RALB: variants seen among roughly 807,000 people sequenced by gnomAD.
The protein encoded by RALB is RAS like proto-oncogene B, also known as ras-related protein Ral-B.
Under a neutral mutation model 21.3 loss-of-function variants are expected in RALB, and 16 were observed. The ratio of observed to expected loss-of-function variants is 0.75; its 90% confidence interval spans 0.51 to 1.14. RALB has a LOEUF of 1.14. RALB is among the 50% of genes most tolerant of loss of function. The probability of loss-of-function intolerance (pLI) is 0.00; values close to 1 mark genes in which losing one functional copy is unlikely to be tolerated. For synonymous variants in RALB, 93 were observed against 96.1 expected, an observed-to-expected ratio of 0.97 and a Z score of 0.19; for missense variants, 161 against 256.2, an observed-to-expected ratio of 0.63 and a Z score of 2.54.
intron 1 of RALB, among the ~76,000 whole-genome samples, chr2:120,266,371 A>C (rs1468431887): frequency 6.6e-6 from 1 of 152,192 alleles, no homozygotes; most frequent in Admixed American, 6.5e-5. Flanking sequence ...CAGCCTCCCA[A>C]GTAGCTGGGA....
chr2:120,252,973 G>A lies in RALB; in HGVS notation c.-55G>A. The stretch of plus-strand genomic sequence containing the variant: ...TGCGGACGGCGGAGGCGGCGGGACT[G>A]GTCCCTGGTAAGGGCGCGGCGCCCG... On this transcript the variant is annotated 5_prime_UTR_variant, in exon 1 of 5. Transcript: ENST00000272519. 1 of 985,320 alleles carries A rather than the reference G, an allele frequency of 1.0e-6. No homozygotes were observed. Among genetic ancestry groups the A allele is most frequent in the Non-Finnish European group, 1.2e-6 (1 of 830,164 alleles). The allele number at this position is 985,320 out of a possible 1,614,324, so 61.0% of individuals were successfully genotyped here. A position where few individuals can be genotyped will look rare whatever the true frequency, so the allele number is the denominator to read the frequency against.
At chr2:120,287,359 A>C (rs983853034) in intron 3 of RALB, among the ~76,000 whole-genome samples, 2 of 152,224 alleles carry the variant, frequency 1.3e-5, no homozygotes, top group Non-Finnish European at 2.9e-5. Flanking sequence ...TGGTGCAGTG[A>C]CTAGTTAAGT....
At chr2:120,255,199 C>T (rs1474652280) in intron 1 of RALB, among the ~76,000 whole-genome samples, 1 of 152,128 alleles carries the variant, frequency 6.6e-6, no homozygotes, top group Admixed American at 6.5e-5. Flanking sequence ...ACAGGAGTCC[C>T]ACTTTTCCTT....
At chr2:120,264,786 C>A (rs76997974) in intron 1 of RALB, among the ~76,000 whole-genome samples, 7,591 of 152,206 alleles carry the variant, frequency 0.05, 657 homozygotes, top group African/African-American at 0.17. Flanking sequence ...CCCTGGCAGC[C>A]GCCATTCTAT....
At chr2:120,293,075 A>G in intron 4 of RALB, 66 bp from the exon 5 acceptor site, 1 of 1,494,072 alleles carries the variant, frequency 6.7e-7, no homozygotes, top group East Asian at 2.4e-5. Flanking sequence ...CAGGTTAACA[A>G]AAGAAAAAAA....
At chr2:120,290,951 T>C (rs2104667180) in intron 4 of RALB, among the ~76,000 whole-genome samples, 1 of 152,350 alleles carries the variant, frequency 6.6e-6, no homozygotes, top group Non-Finnish European at 1.5e-5. Context: ...ACACGTCTGC[T>C]TTTTGTTCTG....
At chr2:120,278,034 A>C (rs560817277) in intron 1 of RALB, among the ~76,000 whole-genome samples, 13 of 56,778 alleles carry the variant, frequency 2.3e-4, no homozygotes, top group African/African-American at 8.7e-4. Context: ...TGAATGTGAG[A>C]GCGTGAGTGT....
intron 1 of RALB, among the ~76,000 whole-genome samples, chr2:120,274,409 A>G (rs1480689965): frequency 6.6e-6 from 1 of 151,962 alleles, no homozygotes; most frequent in Non-Finnish European, 1.5e-5. Context: ...CAGGCGGTCA[A>G]GAGTAGGGGG....
intron 4 of RALB, among the ~76,000 whole-genome samples, chr2:120,292,705 A>G (rs968988461): frequency 2.0e-5 from 3 of 152,118 alleles, no homozygotes; most frequent in African/African-American, 7.2e-5. Context: ...CTGTAATCCG[A>G]GCACTTGGAA....
At chr2:120,260,969 G>C (rs1689352046) in intron 1 of RALB, among the ~76,000 whole-genome samples, 1 of 152,178 alleles carries the variant, frequency 6.6e-6, no homozygotes, top group Non-Finnish European at 1.5e-5. Flanking sequence ...ACACAGTGTG[G>C]GGTCTGTGGG....
In RALB at chr2:120,289,628, C is replaced by T. The variant is rs1464828669; in HGVS notation, c.372C>T (p.Leu124=). ...VKAEEDKIPL[L]VVGNKSDLEE... ...CTGAAGAAGATAAAATTCCACTGCT[C>T]GTCGTGGGAAACAAGTCTGACCTAG... Residue 124 remains leucine (L), a synonymous_variant, in exon 4 of 5, where the codon CTC becomes CTT. Transcript: ENST00000272519. 10 of 1,613,960 alleles carry T rather than the reference C, an allele frequency of 6.2e-6. 1 individual carries two copies. Among genetic ancestry groups the T allele is most frequent in the African/African-American group, 5.3e-5 (4 of 74,912 alleles).
In RALB at chr2:120,253,138, C is replaced by G. The variant is rs549964581; in HGVS notation, c.-48+158C>G. Among the ~76,000 whole-genome samples, 319 of 152,236 alleles carry G rather than the reference C, an allele frequency of 2.1e-3. 1 individual carries two copies. Among genetic ancestry groups the G allele is most frequent in the Non-Finnish European group, 1.9e-3 (130 of 67,984 alleles). On this transcript the variant is annotated intron_variant, in intron 1 of 4. Coordinates refer to ENST00000272519, the MANE Select transcript of RALB (RefSeq NM_002881.3). ...CCGAGGCCGGCGGAGGGCGACGCCC[C>G]GGCAGCGGCCCCGCTCCGCTCCGGG... is the stretch of plus-strand genomic sequence containing the variant.
upstream of RALB, among the ~76,000 whole-genome samples, chr2:120,250,521 G>A (rs570899332): frequency 2.8e-4 from 43 of 152,356 alleles, no homozygotes; most frequent in African/African-American, 1.0e-3. Flanking sequence ...TCACAAGAGA[G>A]GAGTAGAAAT....
chr2:120,277,913 G>A (rs1331639900), intron 1 of RALB, among the ~76,000 whole-genome samples: 1 of 149,122 alleles, frequency 6.7e-6, no homozygotes, highest in Non-Finnish European at 1.5e-5. Context: ...GTGTGTGAAT[G>A]TGAGTTAATG....
intron 1 of RALB, among the ~76,000 whole-genome samples, chr2:120,264,040 G>A (rs866295931): frequency 6.6e-6 from 1 of 151,702 alleles, no homozygotes; most frequent in East Asian, 1.9e-4. Context: ...GTAGAGATGG[G>A]GTTTTACCAT....
At chr2:120,245,212 A>G (rs1390439244) in intron 1 of RALB, among the ~76,000 whole-genome samples, 6 of 152,250 alleles carry the variant, frequency 3.9e-5, no homozygotes, top group African/African-American at 7.2e-5. Context: ...ACAGCTTTGC[A>G]GCATGGGTGG....
At chr2:120,284,026 T>C (rs1421742319) in intron 2 of RALB, among the ~76,000 whole-genome samples, 2 of 152,206 alleles carry the variant, frequency 1.3e-5, no homozygotes, top group African/African-American at 2.4e-5. Context: ...CTCAGAAATA[T>C]ACAGTTGAGA....
chr2:120,261,303 T>C (rs992288119), intron 1 of RALB, among the ~76,000 whole-genome samples: 6 of 152,096 alleles, frequency 3.9e-5, no homozygotes, highest in African/African-American at 1.4e-4. Flanking sequence ...ATTAAGTTCT[T>C]GGGCATGGTG....
upstream of RALB, among the ~76,000 whole-genome samples, chr2:120,250,289 T>C (rs1689034599): frequency 6.6e-6 from 1 of 152,194 alleles, no homozygotes; most frequent in Non-Finnish European, 1.5e-5. Flanking sequence ...CACAGGTTGG[T>C]AGGGGGCCTG....
Sources: gnomAD v4.1 joint callset for allele counts (sites outside exome capture counted in the v4.1 genomes callset) on GRCh38, gnomAD v4.1.1 for gene constraint, MANE v1.5 for transcripts, NCBI Gene and HGNC (gene_info 2026-07-23, HGNC 2026-07-21) for gene names.